ASTN1: variants seen among roughly 807,000 people sequenced by gnomAD.
ASTN1 encodes astrotactin 1, also known as astrotactin-1.
ASTN1 carries 41 observed loss-of-function variants against 140.7 expected under a neutral mutation model. That is an observed-to-expected ratio of 0.29 (90% CI 0.23 to 0.38). ASTN1 has a LOEUF of 0.38. ASTN1 is among the 10% of genes least tolerant of loss of function. The pLI, the probability that ASTN1 is intolerant of heterozygous loss-of-function variation, is 1.00. For missense variants in ASTN1, 1,479 were observed against 1,678.8 expected (o/e 0.88, Z 2.08); for synonymous variants, 640 against 652.2 (o/e 0.98, Z 0.29).
At position 176,968,196 on chromosome 1, in the gene ASTN1, A is replaced by T. The variant is rs866885446; in HGVS notation, c.1524-2959T>A. ...TTTGACAAAGTTGTTATGAGGAGGAACTAGCTAATGTAATTAAAGTGCCTA... is the reference window on the plus strand; with the variant it reads ...TTTGACAAAGTTGTTATGAGGAGGATCTAGCTAATGTAATTAAAGTGCCTA... On this transcript the variant is annotated intron_variant, in intron 8 of 22. Transcript: ENST00000361833. Among the ~76,000 whole-genome samples the T allele has an allele frequency of 5.9e-5, 9 of 152,356 alleles. 1 individual carries two copies. The South Asian group carries it at 1.7e-3, about 28-fold the overall frequency.
intron 16 of ASTN1, among the ~76,000 whole-genome samples, chr1:176,926,051 T>C (rs1670952203): frequency 6.6e-6 from 1 of 152,150 alleles, no homozygotes; most frequent in Admixed American, 6.5e-5. Flanking sequence ...TCCTGATCTG[T>C]CCGCCTTGGC....
chr1:176,989,994 T>C (rs1674084747), intron 8 of ASTN1, among the ~76,000 whole-genome samples: 1 of 152,008 alleles, frequency 6.6e-6, no homozygotes, highest in African/African-American at 2.4e-5. Context: ...TCTCAGTGGA[T>C]TTGGGTTCCC....
chr1:176,986,216 G>T (rs1673898059), intron 8 of ASTN1, among the ~76,000 whole-genome samples: 1 of 152,138 alleles, frequency 6.6e-6, no homozygotes, highest in African/African-American at 2.4e-5. Context: ...CAGAGCTATT[G>T]CTAGGTCTAA....
intron 4 of ASTN1, 104 bp downstream of exon 4, chr1:177,030,702 C>T: frequency 6.8e-7 from 1 of 1,471,890 alleles, no homozygotes; most frequent in African/African-American, 1.4e-5. Flanking sequence ...CCAGGGCATA[C>T]CCTCTCCAGC....
chr1:177,051,156 T>C (rs1463138130), intron 2 of ASTN1, among the ~76,000 whole-genome samples: 1 of 152,242 alleles, frequency 6.6e-6, no homozygotes, highest in Non-Finnish European at 1.5e-5. Flanking sequence ...TTTTTGTCAG[T>C]GCCTTAAGTG....
intron 1 of ASTN1, among the ~76,000 whole-genome samples, chr1:177,067,127 A>C (rs972915240): frequency 6.6e-6 from 1 of 152,096 alleles, no homozygotes; most frequent in Non-Finnish European, 1.5e-5. Flanking sequence ...TTCACAGAGC[A>C]GAGTTAGGAA....
intron 1 of ASTN1, among the ~76,000 whole-genome samples, chr1:177,135,735 G>A (rs1423339823): frequency 6.6e-6 from 1 of 152,052 alleles, no homozygotes; most frequent in Admixed American, 6.6e-5. Flanking sequence ...ACACAGGCTT[G>A]GACTAAATGA....
At chr1:177,122,965 G>A (rs1025882639) in intron 1 of ASTN1, among the ~76,000 whole-genome samples, 3 of 152,196 alleles carry the variant, frequency 2.0e-5, no homozygotes, top group Non-Finnish European at 4.4e-5. Context: ...TAACTGAAGC[G>A]CTTCCTGAGG....
At position 176,862,715 on chromosome 1, in the gene ASTN1, A is replaced by G. The variant is rs775438887; in HGVS notation, c.*1569T>C. 6.6e-5 allele frequency: 61 copies of G among 917,492 alleles called. No homozygotes were observed. The highest frequency in any genetic ancestry group is 7.8e-5 in the Non-Finnish European group (60 of 768,240). The allele number at this position is 917,492 out of a possible 1,614,324, so 56.8% of individuals were successfully genotyped here. ...CGTTTTCCTCAACACTAAAATGGAGACAAGAATAGCACTTTCCTCAGGAGT... is the reference window on the plus strand; with the variant it reads ...CGTTTTCCTCAACACTAAAATGGAGGCAAGAATAGCACTTTCCTCAGGAGT... On this transcript the variant is annotated 3_prime_UTR_variant, in exon 23 of 23. Coordinates refer to ENST00000361833, the MANE Select transcript of ASTN1 (RefSeq NM_004319.3).
intron 1 of ASTN1, among the ~76,000 whole-genome samples, chr1:177,114,102 G>A (rs1404434872): frequency 2.0e-5 from 3 of 152,110 alleles, no homozygotes; most frequent in Non-Finnish European, 2.9e-5. Flanking sequence ...ACAGCATATT[G>A]ACTAGATGCA....
intron 1 of ASTN1, among the ~76,000 whole-genome samples, chr1:177,134,133 G>A (rs1296103346): frequency 6.6e-6 from 1 of 152,168 alleles, no homozygotes; most frequent in East Asian, 1.9e-4. Context: ...CATGTACATA[G>A]CTAGCCCCCA....
At chr1:176,899,730 C>T (rs1669685175) in intron 16 of ASTN1, among the ~76,000 whole-genome samples, 1 of 152,134 alleles carries the variant, frequency 6.6e-6, no homozygotes, top group African/African-American at 2.4e-5. Flanking sequence ...CTCGAGTCAT[C>T]AAAATTCACA....
intron 1 of ASTN1, among the ~76,000 whole-genome samples, chr1:177,134,475 T>C (rs1682086280): frequency 6.6e-6 from 1 of 152,172 alleles, no homozygotes; most frequent in African/African-American, 2.4e-5. Context: ...TTCTTGATGT[T>C]GGTCTGTTCC....
At chr1:176,993,136 G>A (rs896181813) in intron 8 of ASTN1, among the ~76,000 whole-genome samples, 1 of 152,182 alleles carries the variant, frequency 6.6e-6, no homozygotes, top group Non-Finnish European at 1.5e-5. Flanking sequence ...CCAAAGCTGT[G>A]AGAACATAAT....
At position 177,024,435 on chromosome 1, in the gene ASTN1, A is replaced by T. The variant is rs188401609; in HGVS notation, c.1270+148T>A. The T allele has an allele frequency of 1.1e-4, 110 of 1,041,440 alleles. No individual in the cohort carries two copies. The East Asian group carries it at 2.8e-3, about 27-fold the overall frequency. The allele number at this position is 1,041,440 out of a possible 1,614,324, so 64.5% of individuals were successfully genotyped here. ...TCTAAGTTCATCTATGGGCAATACA[A>T]TTGTATCCTCATCCTTACTTATTTC... On this transcript the variant is annotated intron_variant, in intron 6 of 22. Coordinates refer to ENST00000361833, the MANE Select transcript of ASTN1 (RefSeq NM_004319.3).
intron 8 of ASTN1, among the ~76,000 whole-genome samples, chr1:176,991,956 T>C (rs182066901): frequency 1.8e-3 from 278 of 152,354 alleles, no homozygotes; most frequent in Admixed American, 4.3e-3. Context: ...AAAATAAGTA[T>C]CTACTAGTTT....
intron 11 of ASTN1, among the ~76,000 whole-genome samples, chr1:176,955,438 T>C (rs958731716): frequency 3.3e-5 from 5 of 152,172 alleles, no homozygotes; most frequent in African/African-American, 1.2e-4. Context: ...AGGAAGCCTA[T>C]GCTTCACCAG....
intron 16 of ASTN1, among the ~76,000 whole-genome samples, chr1:176,916,372 A>C (rs1412972507): frequency 6.6e-6 from 1 of 152,190 alleles, no homozygotes; most frequent in Non-Finnish European, 1.5e-5. Flanking sequence ...ACATGTCAGC[A>C]TCCAGAAACA....
chr1:177,019,311 A>T (rs576910710), intron 7 of ASTN1, among the ~76,000 whole-genome samples: 1 of 152,320 alleles, frequency 6.6e-6, no homozygotes, highest in South Asian at 2.1e-4. Context: ...GAGCTCTCAA[A>T]CATCACCTAT....
Sources: gnomAD v4.1 joint callset for allele counts (sites outside exome capture counted in the v4.1 genomes callset) on GRCh38, gnomAD v4.1.1 for gene constraint, MANE v1.5 for transcripts, NCBI Gene and HGNC (gene_info 2026-07-23, HGNC 2026-07-21) for gene names.